The following AMOTL1 variants were observed in gnomAD, a reference collection of about 807,000 sequenced individuals.
AMOTL1 encodes the protein angiomotin like 1, also known as angiomotin-like protein 1.
AMOTL1 carries 45 observed loss-of-function variants against 102.9 expected under a neutral mutation model. The ratio of observed to expected loss-of-function variants is 0.44; its 90% CI spans 0.34 to 0.56. AMOTL1 has a LOEUF of 0.56. Ranked by LOEUF, AMOTL1 falls within the 20% of genes least tolerant of loss-of-function variation. AMOTL1 has a pLI of 0.01. For missense variants in AMOTL1, 1,114 were observed against 1,225.6 expected (o/e 0.91, Z 1.36); for synonymous variants, 481 against 484.7 (o/e 0.99, Z 0.10).
intron 5 of AMOTL1, 55 bp downstream of exon 5, chr11:94,830,249 T>A: frequency 6.7e-7 from 1 of 1,497,978 alleles, no homozygotes. Flanking sequence ...TTAGTGTAGC[T>A]AAAAGCACGA....
At chr11:94,729,609 G>C (rs1002947548) in intron 2 of AMOTL1, among the ~76,000 whole-genome samples, 4 of 152,082 alleles carry the variant, frequency 2.6e-5, no homozygotes, top group African/African-American at 9.7e-5. Flanking sequence ...ACCATACCCT[G>C]ACACAGAGCT....
upstream of AMOTL1, among the ~76,000 whole-genome samples, chr11:94,763,913 A>C (rs188541827): frequency 2.6e-5 from 4 of 152,206 alleles, no homozygotes; most frequent in Non-Finnish European, 5.9e-5. Flanking sequence ...GAACTGAAAG[A>C]AAAGGTTGGA....
rs1950765787 is a variant in AMOTL1, at chr11:94,759,503, T to C, written c.136+18515T>C. Among the ~76,000 whole-genome samples the C allele has an allele frequency of 2.0e-5, 3 of 151,156 alleles. No homozygotes were observed. The South Asian group carries it at 6.3e-4, about 32-fold the overall frequency. ...TATATGGATCATTCCTCATCTATAA[T>C]GTGCCCCAAATGCAGCTTCATTTTC... On this transcript the variant is annotated intron_variant, in intron 3 of 4. Coordinates refer to the AMOTL1 transcript ENST00000299004.
chr11:94,721,153 A>C (rs1446704092), intron 1 of AMOTL1, among the ~76,000 whole-genome samples: 1 of 152,012 alleles, frequency 6.6e-6, no homozygotes, highest in Non-Finnish European at 1.5e-5. Context: ...TTCCTTTGGG[A>C]TGGGGTCTGT....
At chr11:94,746,336 G>A (rs1348621144) in intron 3 of AMOTL1, among the ~76,000 whole-genome samples, 1 of 152,160 alleles carries the variant, frequency 6.6e-6, no homozygotes, top group Non-Finnish European at 1.5e-5. Flanking sequence ...ATCTGAGAGG[G>A]TTAGAAAGGA....
intron 6 of AMOTL1, among the ~76,000 whole-genome samples, chr11:94,843,950 C>T (rs1011881199): frequency 1.3e-5 from 2 of 152,136 alleles, no homozygotes; most frequent in African/African-American, 4.8e-5. Context: ...TGGCACGGTA[C>T]ATAGAGGGCC....
At chr11:94,780,836 A>G (rs1353675916) in intron 1 of AMOTL1, among the ~76,000 whole-genome samples, 1 of 152,266 alleles carries the variant, frequency 6.6e-6, no homozygotes, top group Non-Finnish European at 1.5e-5. Context: ...CATCAACAGC[A>G]GAGCCAGGAT....
intron 2 of AMOTL1, chr11:94,740,887 C>G (rs1432545329): frequency 7.9e-7 from 1 of 1,272,620 alleles, no homozygotes; most frequent in Non-Finnish European, 1.0e-6. Context: ...TGTGCGGGTT[C>G]GTCCTGAATG....
At chr11:94,808,041 C>T (rs2135589795) in intron 3 of AMOTL1, among the ~76,000 whole-genome samples, 1 of 122,802 alleles carries the variant, frequency 8.1e-6, no homozygotes, top group Non-Finnish European at 1.7e-5. Flanking sequence ...GAAACTGTAT[C>T]AGGCAAACCC....
chr11:94,744,672 G>A (rs1370549140), intron 3 of AMOTL1, among the ~76,000 whole-genome samples: 5 of 152,128 alleles, frequency 3.3e-5, no homozygotes, highest in Admixed American at 3.3e-4. Context: ...ATATCTGTAA[G>A]CACTATTTAT....
rs1952984012 is a variant in AMOTL1, at chr11:94,870,927, A to G, written c.*132A>G. The G allele has an allele frequency of 1.5e-6, 1 of 655,760 alleles. No homozygotes were observed. Among genetic ancestry groups the G allele is most frequent in the Admixed American group, 3.1e-5 (1 of 32,182 alleles). 40.6% of individuals were successfully genotyped at this position (655,760 alleles called of 1,614,324 possible). A position where few individuals can be genotyped will look rare whatever the true frequency, so the allele number is the denominator to read the frequency against. ...AACTGATAAAGATTTCAGACTCATA[A>G]GAACACATTTTATAAATGTTAAACA... On this transcript the variant is annotated 3_prime_UTR_variant, in exon 13 of 13. Coordinates refer to ENST00000433060, the MANE Select transcript of AMOTL1 (RefSeq NM_130847.3).
chr11:94,747,160 G>A (rs1950599094), intron 3 of AMOTL1, among the ~76,000 whole-genome samples: 1 of 152,082 alleles, frequency 6.6e-6, no homozygotes. Flanking sequence ...AAAGCAGTAT[G>A]TGCTTATTTT....
chr11:94,870,612 G>C (rs1327539891), intron 12 of AMOTL1, 77 bp from the exon 13 acceptor site: 4 of 1,124,490 alleles, frequency 3.6e-6, no homozygotes, highest in Non-Finnish European at 5.0e-6. Flanking sequence ...ATCGGACGTG[G>C]GTCCATTTTA....
At chr11:94,744,236 A>G (rs1455507517) in intron 3 of AMOTL1, among the ~76,000 whole-genome samples, 1 of 152,112 alleles carries the variant, frequency 6.6e-6, no homozygotes, top group Admixed American at 6.5e-5. Context: ...GGTTTCTATA[A>G]TTTACTTTAA....
chr11:94,731,023 ATCTC>A (rs1950340584), intron 2 of AMOTL1, among the ~76,000 whole-genome samples: 2 of 152,334 alleles, frequency 1.3e-5, no homozygotes, highest in Admixed American at 1.3e-4. Flanking sequence ...TACTGTGACC[ATCTC>A]CAAGCTCTGT....
At chr11:94,855,550 G>A (rs1952645214) in intron 8 of AMOTL1, among the ~76,000 whole-genome samples, 2 of 152,104 alleles carry the variant, frequency 1.3e-5, no homozygotes, top group Admixed American at 6.5e-5. Flanking sequence ...GTCTTTCTTT[G>A]GCTAACCAAA....
intron 1 of AMOTL1, among the ~76,000 whole-genome samples, chr11:94,769,792 G>A (rs1950918427): frequency 6.6e-6 from 1 of 152,030 alleles, no homozygotes; most frequent in Non-Finnish European, 1.5e-5. Context: ...TGAGGCCTTG[G>A]TTTCCCATTT....
At chr11:94,800,438 A>C (rs1296716835) in intron 3 of AMOTL1, 127 bp downstream of exon 3, 3 of 1,084,996 alleles carry the variant, frequency 2.8e-6, no homozygotes, top group Admixed American at 5.0e-5. Context: ...ATGATATTTA[A>C]TAAACCACTT....
chr11:94,721,644 G>A (rs537803217), intron 1 of AMOTL1, among the ~76,000 whole-genome samples: 2 of 152,210 alleles, frequency 1.3e-5, no homozygotes, highest in East Asian at 3.9e-4. Flanking sequence ...GAGAGTCCTT[G>A]CCAGGGAACA....
Sources: allele counts gnomAD v4.1 joint callset (sites outside exome capture counted in the v4.1 genomes callset), GRCh38; gene constraint gnomAD v4.1.1; transcripts MANE v1.5; gene names NCBI Gene and HGNC (gene_info 2026-07-23, HGNC 2026-07-21).